Variants in PTPRD observed in about 807,000 individuals in gnomAD.
PTPRD encodes the protein receptor-type tyrosine-protein phosphatase delta.
In PTPRD, 34 loss-of-function variants were observed where a neutral mutation model predicts 214.5. That is an observed-to-expected ratio of 0.16 (90% confidence interval 0.12 to 0.21). PTPRD has a LOEUF of 0.21. Ranked by LOEUF, PTPRD falls within the 10% of genes least tolerant of loss-of-function variation. The pLI is 1.00. For synonymous variants in PTPRD, 1,128 were observed against 845.7 expected, an observed-to-expected ratio of 1.33 and a Z score of -5.79; for missense variants, 2,545 against 2,398.7, an observed-to-expected ratio of 1.06 and a Z score of -1.27.
intron 2 of PTPRD, among the ~76,000 whole-genome samples, chr9:10,557,005 T>C (rs1046610531): frequency 6.6e-6 from 1 of 152,106 alleles, no homozygotes. Context: ...GTGGACAACA[T>C]TCCTGTATGG....
At chr9:9,664,209 A>T (rs2154382006) in intron 7 of PTPRD, among the ~76,000 whole-genome samples, 1 of 151,540 alleles carries the variant, frequency 6.6e-6, no homozygotes, top group South Asian at 2.1e-4. Flanking sequence ...AATAAAAACC[A>T]GGTATGGGTT....
At chr9:10,401,381 G>A (rs1422297741) in intron 2 of PTPRD, among the ~76,000 whole-genome samples, 1 of 151,238 alleles carries the variant, frequency 6.6e-6, no homozygotes, top group Non-Finnish European at 1.5e-5. Context: ...CTGGAAAAAG[G>A]AGTCTCTTGG....
At chr9:9,280,678 C>T (rs1008817858) in intron 9 of PTPRD, among the ~76,000 whole-genome samples, 1 of 151,272 alleles carries the variant, frequency 6.6e-6, no homozygotes, top group African/African-American at 2.4e-5. Flanking sequence ...TAAGAAGACT[C>T]ATTAATGTCA....
intron 6 of PTPRD, among the ~76,000 whole-genome samples, chr9:9,737,155 T>C (rs761960616): frequency 1.3e-5 from 2 of 152,084 alleles, no homozygotes; most frequent in Non-Finnish European, 2.9e-5. Flanking sequence ...AAATATGACA[T>C]TTTCAAACTG....
At chr9:9,944,962 G>T (rs765671330) in intron 4 of PTPRD, among the ~76,000 whole-genome samples, 2 of 151,526 alleles carry the variant, frequency 1.3e-5, no homozygotes, top group South Asian at 4.1e-4. Context: ...TAAAAGTCTA[G>T]AAAAGAGATG....
intron 5 of PTPRD, among the ~76,000 whole-genome samples, chr9:9,816,475 T>C (rs543243252): frequency 3.3e-5 from 5 of 152,162 alleles, no homozygotes; most frequent in Admixed American, 2.6e-4. Context: ...AATCTCACTA[T>C]TTGAACAATA....
chr9:8,748,305 C>T (rs1424634513), intron 11 of PTPRD, among the ~76,000 whole-genome samples: 2 of 151,860 alleles, frequency 1.3e-5, no homozygotes, highest in Non-Finnish European at 1.5e-5. Flanking sequence ...TTAGCTCACA[C>T]CCAACCAATC....
chr9:8,750,302 C>T (rs1056841172), intron 11 of PTPRD, among the ~76,000 whole-genome samples: 2 of 151,892 alleles, frequency 1.3e-5, no homozygotes, highest in South Asian at 2.1e-4. Flanking sequence ...GGACTACAGG[C>T]GCGGGCCACC....
At chr9:8,656,412 A>G (rs544713637) in intron 12 of PTPRD, among the ~76,000 whole-genome samples, 1 of 152,252 alleles carries the variant, frequency 6.6e-6, no homozygotes, top group East Asian at 1.9e-4. Flanking sequence ...CCCCAATCGA[A>G]TATCATTTCT....
chr9:9,304,976 C>T (rs765441584), intron 9 of PTPRD, among the ~76,000 whole-genome samples: 15 of 145,852 alleles, frequency 1.0e-4, no homozygotes, highest in East Asian at 6.0e-4. Context: ...ATCTAGTTGC[C>T]GAACTGTGCT....
chr9:10,454,081 C>T (rs2098882319), intron 2 of PTPRD, among the ~76,000 whole-genome samples: 1 of 151,244 alleles, frequency 6.6e-6, no homozygotes, highest in Non-Finnish European at 1.5e-5. Flanking sequence ...ATAACGAAAG[C>T]CATCTGTCAT....
intron 5 of PTPRD, among the ~76,000 whole-genome samples, chr9:9,870,205 C>T (rs1315545912): frequency 1.3e-5 from 2 of 151,908 alleles, no homozygotes; most frequent in Non-Finnish European, 2.9e-5. Context: ...ACAATAATTT[C>T]TATTTTGAAG....
At chr9:8,387,793 T>A (rs1180613282) in intron 37 of PTPRD, among the ~76,000 whole-genome samples, 2 of 152,178 alleles carry the variant, frequency 1.3e-5, no homozygotes, top group East Asian at 3.9e-4. Context: ...TAAAGGGCTG[T>A]TATGAAATAT....
chr9:9,210,914 T>C (rs775767334), intron 9 of PTPRD, among the ~76,000 whole-genome samples: 44 of 152,044 alleles, frequency 2.9e-4, no homozygotes, highest in Middle Eastern at 3.4e-3. Flanking sequence ...TTCTTATAGG[T>C]TCTATTTTCC....
chr9:8,840,019 A>C (rs1199418588), intron 11 of PTPRD, among the ~76,000 whole-genome samples: 1 of 152,244 alleles, frequency 6.6e-6, no homozygotes, highest in Non-Finnish European at 1.5e-5. Context: ...AAAGGACTAT[A>C]AGCAACATAT....
chr9:8,713,766 C>T (rs2098397562), intron 12 of PTPRD: 1 of 1,533,048 alleles, frequency 6.5e-7, no homozygotes, highest in South Asian at 1.2e-5. Flanking sequence ...AGATCAAGTT[C>T]CCGCTGCCCC....
At chr9:9,440,607 G>A (rs766154617) in intron 8 of PTPRD, among the ~76,000 whole-genome samples, 1 of 152,078 alleles carries the variant, frequency 6.6e-6, no homozygotes, top group East Asian at 1.9e-4. Context: ...AATGATACTG[G>A]ATTCAGCAGT....
At chr9:10,577,915 CTTTTT>C (rs148884393) in intron 2 of PTPRD, among the ~76,000 whole-genome samples, 7 of 142,954 alleles carry the variant, frequency 4.9e-5, no homozygotes, top group Admixed American at 7.0e-5. Flanking sequence ...AAGTTATTTC[CTTTTT>C]TTTTTTTTTT....
chr9:9,552,028 C>G (rs1386065909), intron 8 of PTPRD, among the ~76,000 whole-genome samples: 1 of 151,902 alleles, frequency 6.6e-6, no homozygotes, highest in African/African-American at 2.4e-5. Context: ...CACATAAGCC[C>G]AACTCTTTAT....
Sources: allele counts gnomAD v4.1 joint callset (sites outside exome capture counted in the v4.1 genomes callset), GRCh38; gene constraint gnomAD v4.1.1; transcripts MANE v1.5; gene names NCBI Gene and HGNC (gene_info 2026-07-23, HGNC 2026-07-21).